Variants in ADGRG2 observed in about 807,000 individuals in gnomAD.
The protein encoded by ADGRG2 is G protein-coupled receptor 64.
Under a neutral mutation model 74.1 loss-of-function variants are expected in ADGRG2, and 26 were observed. That is an observed-to-expected ratio of 0.35 (90% confidence interval 0.26 to 0.49). The LOEUF is 0.49. Ranked by LOEUF, ADGRG2 falls within the 20% of genes least tolerant of loss-of-function variation. ADGRG2 has a pLI of 0.99. For synonymous variants in ADGRG2, 296 were observed against 295.2 expected (o/e 1.00, Z -0.03); for missense variants, 619 against 763.1 (o/e 0.81, Z 2.22).
rs759421992 is a variant in ADGRG2, at chrX:19,106,525, C to T, written c.-47+15917G>A. Among the ~76,000 whole-genome samples, 18 of 109,166 alleles carry T rather than the reference C, an allele frequency of 1.6e-4. No homozygotes were observed. The South Asian group carries it at 5.1e-3, about 31-fold the overall frequency. The allele number at this position is 109,166 out of a possible 115,157, so 94.8% of individuals were successfully genotyped here. On this transcript the variant is annotated intron_variant, in intron 1 of 28. Coordinates refer to ENST00000379869, the MANE Select transcript of ADGRG2 (RefSeq NM_001079858.3). ...TGTGTGTGTGTGTGTTTCGGTTTGG[C>T]GTGTGTTTGAGGTTAGTGGTTTTTC... is the stretch of plus-strand genomic sequence containing the variant.
intron 1 of ADGRG2, among the ~76,000 whole-genome samples, chrX:19,105,736 A>AT (rs965527492): frequency 3.7e-5 from 4 of 108,979 alleles, no homozygotes; most frequent in East Asian, 2.9e-4. Flanking sequence ...AATAAAAAAA[A>AT]TTTTTTTAAA....
intron 7 of ADGRG2, 90 bp downstream of exon 7, chrX:19,035,852 A>G (rs2060927355): frequency 2.2e-6 from 1 of 459,152 alleles, no homozygotes; most frequent in Non-Finnish European, 3.7e-6. Flanking sequence ...AGGCAAAAGA[A>G]AACTCTTTAG....
chrX:19,045,320 T>TATTATC (rs1333047576), intron 3 of ADGRG2, among the ~76,000 whole-genome samples: 1 of 106,590 alleles, frequency 9.4e-6, no homozygotes, highest in African/African-American at 3.4e-5. Flanking sequence ...TTATTATTAT[T>TATTATC]ATTTTGAGAC....
intron 1 of ADGRG2, among the ~76,000 whole-genome samples, chrX:19,103,137 C>T (rs1422750032): frequency 9.0e-6 from 1 of 111,275 alleles, no homozygotes; most frequent in Non-Finnish European, 1.9e-5. Flanking sequence ...AAACAGGATG[C>T]GGTAAAGAGG....
At chrX:19,039,305 T>C in intron 4 of ADGRG2, 1 of 331,436 alleles carries the variant, frequency 3.0e-6, no homozygotes, top group Non-Finnish European at 5.9e-6. Context: ...TTTCCTATGC[T>C]GCAAGACTGA....
chrX:19,007,207 T>C (rs753242192), intron 20 of ADGRG2, 28 bp downstream of exon 20: 1 of 1,204,723 alleles, frequency 8.3e-7, no homozygotes, highest in Non-Finnish European at 1.1e-6. Flanking sequence ...TCCTGGTCAA[T>C]GAACAGACGG....
intron 1 of ADGRG2, among the ~76,000 whole-genome samples, chrX:19,103,922 G>A (rs769504730): frequency 9.0e-6 from 1 of 111,412 alleles, no homozygotes; most frequent in African/African-American, 3.3e-5. Context: ...AGGGGAAAAG[G>A]CTGGGTCCTA....
At chrX:19,000,891 C>T (rs965565920) in intron 24 of ADGRG2, among the ~76,000 whole-genome samples, 1 of 109,477 alleles carries the variant, frequency 9.1e-6, no homozygotes, top group Non-Finnish European at 1.9e-5. Flanking sequence ...TGCACCACCA[C>T]ACCTGGCTAA....
At position 19,097,692 on chromosome X, in the gene ADGRG2, C is replaced by G. The variant is rs1201336198; in HGVS notation, c.-46-14946G>C. Reference sequence around the variant, plus strand: ...ACCTTATACTGGGTCATCTCCTCCCCACCCCGGCCCCGGTGGCAGGACACC... The same window carrying G: ...ACCTTATACTGGGTCATCTCCTCCCGACCCCGGCCCCGGTGGCAGGACACC... On this transcript the variant is annotated intron_variant, in intron 1 of 28. Transcript: ENST00000379869. Among the ~76,000 whole-genome samples, 25 of 111,661 alleles carry G rather than the reference C, an allele frequency of 2.2e-4. No individual in the cohort carries two copies. The Admixed American group carries it at 2.4e-3, about 11-fold the overall frequency.
chrX:19,023,503 T>G (rs926576626), intron 12 of ADGRG2, 50 bp from the exon 13 acceptor site: 3 of 727,840 alleles, frequency 4.1e-6, no homozygotes, highest in Non-Finnish European at 4.1e-6. Flanking sequence ...CTTTGGGCAG[T>G]TGGAAATATC....
intron 1 of ADGRG2, among the ~76,000 whole-genome samples, chrX:19,092,785 CT>C (rs780962948): frequency 8.9e-6 from 1 of 112,067 alleles, no homozygotes. Context: ...TTCACGTTGA[CT>C]TGTGTCTTAG....
chrX:19,094,147 T>C (rs1309210315), intron 1 of ADGRG2, among the ~76,000 whole-genome samples: 1 of 111,043 alleles, frequency 9.0e-6, no homozygotes, highest in East Asian at 2.8e-4. Context: ...AGAGTATGGA[T>C]AGACATAGAG....
chrX:19,048,882 A>C (rs2061250304), intron 3 of ADGRG2, among the ~76,000 whole-genome samples: 2 of 112,395 alleles, frequency 1.8e-5, no homozygotes, highest in African/African-American at 6.5e-5. Flanking sequence ...AATGCTGCTT[A>C]GCGCTTTGGG....
chrX:19,109,066 G>A (rs988275469), intron 1 of ADGRG2, among the ~76,000 whole-genome samples: 1 of 110,212 alleles, frequency 9.1e-6, no homozygotes, highest in Non-Finnish European at 1.9e-5. Flanking sequence ...GAAAGAAGAA[G>A]GAAGAAGAAG....
At chrX:19,111,772 C>G (rs907977187) in intron 1 of ADGRG2, among the ~76,000 whole-genome samples, 1 of 110,755 alleles carries the variant, frequency 9.0e-6, no homozygotes, top group Admixed American at 9.7e-5. Flanking sequence ...TGATCTAGAA[C>G]AGGGAGAGAG....
chrX:19,021,331 A>G (rs746974959), intron 13 of ADGRG2, 133 bp from the exon 14 acceptor site: 71 of 511,886 alleles, frequency 1.4e-4, no homozygotes, highest in Non-Finnish European at 2.4e-4. Context: ...CACCCCAATA[A>G]GCTTGTAAAT....
chrX:19,027,741 C>T (rs762389909), intron 10 of ADGRG2, among the ~76,000 whole-genome samples: 1 of 112,247 alleles, frequency 8.9e-6, no homozygotes, highest in East Asian at 2.8e-4. Context: ...AAATAGTCAT[C>T]GAATGAATGA....
At chrX:19,028,886 G>A (rs1446446441) in intron 9 of ADGRG2, among the ~76,000 whole-genome samples, 1 of 111,888 alleles carries the variant, frequency 8.9e-6, no homozygotes, top group Non-Finnish European at 1.9e-5. Flanking sequence ...CAATATTTGA[G>A]GGTTTGCAGG....
chrX:19,007,996 G>GT lies in ADGRG2; in HGVS notation c.1549dup (p.Thr517AsnfsTer49). The stretch of plus-strand genomic sequence containing the variant: ...CAGTTTTACCTGAAACAAAGCAGGT[G>GT]TTTCAAAAAAATTGAACTGAACCCT... On this transcript the variant is annotated frameshift_variant, in exon 19 of 29. Transcript: ENST00000379869. LOFTEE classifies it high-confidence loss of function. 1 of 1,205,450 alleles carries GT rather than the reference G, an allele frequency of 8.3e-7. No individual in the cohort carries two copies. Among genetic ancestry groups the GT allele is most frequent in the Non-Finnish European group, 1.1e-6 (1 of 892,080 alleles).
Sources: gnomAD v4.1 joint callset for allele counts (sites outside exome capture counted in the v4.1 genomes callset) on GRCh38, gnomAD v4.1.1 for gene constraint, MANE v1.5 for transcripts, NCBI Gene and HGNC (gene_info 2026-07-23, HGNC 2026-07-21) for gene names.